The following OSBPL6 variants were observed in gnomAD, a reference collection of about 807,000 sequenced individuals.
OSBPL6 encodes the protein oxysterol binding protein like 6.
OSBPL6 carries 49 observed loss-of-function variants against 125.8 expected under a neutral mutation model. The ratio of observed to expected loss-of-function variants is 0.39; its 90% CI spans 0.31 to 0.49. The LOEUF is 0.49. Among genes scored for constraint, OSBPL6 ranks in the 20% least tolerant of loss-of-function variants. The pLI is 0.88. For synonymous variants in OSBPL6, 394 were observed against 391.8 expected, an observed-to-expected ratio of 1.01 and a Z score of -0.07; for missense variants, 986 against 1,135.4, an observed-to-expected ratio of 0.87 and a Z score of 1.89.
chr2:178,288,523 T>C (rs1684922589), intron 2 of OSBPL6, among the ~76,000 whole-genome samples: 1 of 152,144 alleles, frequency 6.6e-6, no homozygotes, highest in African/African-American at 2.4e-5. Context: ...AAATAAATTG[T>C]ACCTTGAATA....
intron 2 of OSBPL6, among the ~76,000 whole-genome samples, chr2:178,287,055 A>G (rs563366640): frequency 6.6e-6 from 1 of 152,096 alleles, no homozygotes; most frequent in South Asian, 2.1e-4. Context: ...TTCAAATCAT[A>G]GGGTCCTTAT....
chr2:178,352,349 C>T (rs1043162917), intron 12 of OSBPL6, among the ~76,000 whole-genome samples: 2 of 152,168 alleles, frequency 1.3e-5, no homozygotes, highest in South Asian at 4.1e-4. Context: ...GAAGCCATGA[C>T]AGACTGTACC....
intron 1 of OSBPL6, among the ~76,000 whole-genome samples, chr2:178,261,596 A>G (rs2092066465): frequency 6.6e-6 from 1 of 152,194 alleles, no homozygotes; most frequent in Non-Finnish European, 1.5e-5. Context: ...CCCTTTCAGA[A>G]AAACTACATT....
Position 178,247,019 on chromosome 2 carries a change from C to T in OSBPL6, c.-350-37908C>T, listed in dbSNP as rs1029348484. Among the ~76,000 whole-genome samples, 133 of 150,398 alleles carry T rather than the reference C, an allele frequency of 8.8e-4. 3 individuals are homozygous for T. Among genetic ancestry groups the T allele is most frequent in the African/African-American group, 2.9e-3 (119 of 40,608 alleles). ...TCCCTGTAACCTGCCCCTCCCCACC[C>T]CCCCATGTTATTGTGTACTCAACTT... On this transcript the variant is annotated intron_variant, in intron 1 of 24. Transcript: ENST00000190611.
chr2:178,393,506 A>G (rs990885586), intron 23 of OSBPL6, among the ~76,000 whole-genome samples: 6 of 152,224 alleles, frequency 3.9e-5, no homozygotes, highest in Non-Finnish European at 7.3e-5. Flanking sequence ...TTTATCTGCC[A>G]TCTGCCAAAA....
chr2:178,383,879 C>G (rs182963879), intron 17 of OSBPL6, among the ~76,000 whole-genome samples, 160 bp from the exon 18 acceptor site: 325 of 152,242 alleles, frequency 2.1e-3, no homozygotes, highest in African/African-American at 7.7e-3. Context: ...ATTTTTTTCC[C>G]CATGAGTTGA....
intron 21 of OSBPL6, 43 bp from the exon 22 acceptor site, chr2:178,391,030 A>G (rs185299656): frequency 1.2e-6 from 2 of 1,605,124 alleles, no homozygotes; most frequent in Non-Finnish European, 1.7e-6. Flanking sequence ...GAATGATGTT[A>G]TTAAAGCCAT....
At chr2:178,332,507 G>A in intron 6 of OSBPL6, 134 bp from the exon 7 acceptor site, 3 of 645,536 alleles carry the variant, frequency 4.6e-6, no homozygotes, top group African/African-American at 1.8e-5. Flanking sequence ...ACTATTTTCT[G>A]TTTGTTAAGG....
chr2:178,195,823 A>C (rs774546466), intron 1 of OSBPL6, among the ~76,000 whole-genome samples: 14 of 151,984 alleles, frequency 9.2e-5, no homozygotes, highest in Non-Finnish European at 1.8e-4. Flanking sequence ...TTTTCTAAAT[A>C]ATTTTCTTGG....
intron 1 of OSBPL6, among the ~76,000 whole-genome samples, chr2:178,247,435 C>T (rs1348081460): frequency 1.3e-5 from 2 of 151,980 alleles, no homozygotes; most frequent in African/African-American, 4.8e-5. Flanking sequence ...TGTTTGGTTT[C>T]GTTCTGATGT....
At chr2:178,364,045 A>G (rs1268171006) in intron 13 of OSBPL6, among the ~76,000 whole-genome samples, 1 of 152,238 alleles carries the variant, frequency 6.6e-6, no homozygotes, top group Non-Finnish European at 1.5e-5. Flanking sequence ...TGGAAACCAC[A>G]GCAGCCTTTG....
chr2:178,302,930 C>T (rs1177233805), intron 2 of OSBPL6, among the ~76,000 whole-genome samples: 4 of 152,184 alleles, frequency 2.6e-5, no homozygotes, highest in East Asian at 1.9e-4. Flanking sequence ...CTTGGAAGCA[C>T]TTGAACGCAT....
At chr2:178,303,769 C>A (rs1686502965) in intron 2 of OSBPL6, among the ~76,000 whole-genome samples, 1 of 152,092 alleles carries the variant, frequency 6.6e-6, no homozygotes, top group Non-Finnish European at 1.5e-5. Flanking sequence ...TAGCCTCAAC[C>A]CTGCCTCCCC....
rs146973097 is a variant in OSBPL6, at chr2:178,296,022, G to A, written c.-155-10008G>A. On this transcript the variant is annotated intron_variant, in intron 2 of 24. Coordinates refer to ENST00000190611, the MANE Select transcript of OSBPL6 (RefSeq NM_032523.4). Reference sequence around the variant, plus strand: ...TGGGGCTTTAGGTCTGTGAGTTGGCGGTGATTCTGTGTCTGATACTGTGTT... The same window carrying A: ...TGGGGCTTTAGGTCTGTGAGTTGGCAGTGATTCTGTGTCTGATACTGTGTT... 8.6e-3 allele frequency among the ~76,000 whole-genome samples: 1,316 copies of A among 152,192 alleles called. 23 individuals are homozygous for A. The highest frequency in any genetic ancestry group is 0.03 in the African/African-American group (1,258 of 41,526).
intron 2 of OSBPL6, among the ~76,000 whole-genome samples, chr2:178,290,627 A>G (rs1685169921): frequency 6.6e-6 from 1 of 152,120 alleles, no homozygotes; most frequent in African/African-American, 2.4e-5. Context: ...CCCTGGTCCT[A>G]TTAATTTCTT....
intron 1 of OSBPL6, among the ~76,000 whole-genome samples, chr2:178,243,619 AT>A (rs1420378633): frequency 6.6e-6 from 1 of 151,834 alleles, no homozygotes; most frequent in Admixed American, 6.6e-5. Flanking sequence ...TAGCTTCCCC[AT>A]TTCTCATTCT....
At chr2:178,243,006 C>T (rs2153991986) in intron 1 of OSBPL6, among the ~76,000 whole-genome samples, 1 of 151,542 alleles carries the variant, frequency 6.6e-6, no homozygotes, top group African/African-American at 2.4e-5. Context: ...CATATAGTAG[C>T]ACATTTTTAT....
At chr2:178,263,797 C>T (rs1455798138) in intron 1 of OSBPL6, among the ~76,000 whole-genome samples, 1 of 125,542 alleles carries the variant, frequency 8.0e-6, no homozygotes, top group East Asian at 2.5e-4. Context: ...AGACACTCAA[C>T]TGTGTACACG....
chr2:178,385,576 C>A (rs930252422), intron 19 of OSBPL6, 55 bp downstream of exon 19: 3 of 1,366,190 alleles, frequency 2.2e-6, no homozygotes, highest in Admixed American at 1.8e-5. Flanking sequence ...GAAAAAATAT[C>A]TGGCTTCCAA....
Sources: allele counts gnomAD v4.1 joint callset (sites outside exome capture counted in the v4.1 genomes callset), GRCh38; gene constraint gnomAD v4.1.1; transcripts MANE v1.5; gene names NCBI Gene and HGNC (gene_info 2026-07-23, HGNC 2026-07-21).